The following HSD17B4 variants were observed in gnomAD, a reference collection of about 807,000 sequenced individuals.
HSD17B4 encodes the protein peroxisomal multifunctional enzyme type 2.
Under a neutral mutation model 101.0 loss-of-function variants are expected in HSD17B4, and 70 were observed. The ratio of observed to expected loss-of-function variants is 0.69; its 90% CI spans 0.57 to 0.85. The LOEUF (loss-of-function observed/expected upper bound fraction) is 0.85, where lower values mean the gene tolerates loss of function less well. Ranked by LOEUF, HSD17B4 falls within the 40% of genes least tolerant of loss-of-function variation. The pLI, the probability that HSD17B4 is intolerant of heterozygous loss-of-function variation, is 0.00. For missense variants in HSD17B4, 984 were observed against 892.4 expected (o/e 1.10, Z -1.31); for synonymous variants, 347 against 297.1 (o/e 1.17, Z -1.73).
intron 4 of HSD17B4, among the ~76,000 whole-genome samples, 161 bp downstream of exon 4, chr5:119,474,621 TTTAA>T (rs1748400448): frequency 1.3e-5 from 2 of 152,202 alleles, no homozygotes; most frequent in African/African-American, 2.4e-5. Context: ...TCATAAAGGG[TTTAA>T]TTGAGGTGGC....
chr5:119,497,414 C>G (rs945717340), intron 12 of HSD17B4, among the ~76,000 whole-genome samples: 4 of 152,200 alleles, frequency 2.6e-5, no homozygotes, highest in African/African-American at 9.7e-5. Context: ...GACTGTCTGT[C>G]TTCCATATAC....
intron 17 of HSD17B4, among the ~76,000 whole-genome samples, chr5:119,523,617 A>G (rs776517068): frequency 3.9e-5 from 6 of 152,158 alleles, no homozygotes. Context: ...GATATTTCAT[A>G]TTAATACGAT....
At chr5:119,465,333 A>T (rs1288557835) in intron 2 of HSD17B4, among the ~76,000 whole-genome samples, 1 of 152,136 alleles carries the variant, frequency 6.6e-6, no homozygotes, top group Non-Finnish European at 1.5e-5. Context: ...TTGAAATGTG[A>T]TTGGCTTAAC....
At chr5:119,491,563 G>T (rs1423654068) in intron 9 of HSD17B4, among the ~76,000 whole-genome samples, 1 of 148,320 alleles carries the variant, frequency 6.7e-6, no homozygotes, top group Non-Finnish European at 1.5e-5. Context: ...TTGGTCATTT[G>T]TCTTATCTCT....
Position 119,460,837 on chromosome 5 carries a change from C to G in HSD17B4, c.112+4469C>G, listed in dbSNP as rs191281849. Among the ~76,000 whole-genome samples, 1,100 of 152,138 alleles carry G rather than the reference C, an allele frequency of 7.2e-3. 13 individuals are homozygous for G. Among genetic ancestry groups the G allele is most frequent in the African/African-American group, 0.025 (1,022 of 41,478 alleles). On this transcript the variant is annotated intron_variant, in intron 2 of 23. Coordinates refer to ENST00000510025, the MANE Select transcript of HSD17B4 (RefSeq NM_000414.4). The stretch of plus-strand genomic sequence containing the variant: ...AAATGAGTGAATGGAACAGAAAATG[C>G]TTTAAGGAGAGACTGCAGGAAGTGA...
chr5:119,456,969 C>G (rs1380471261), intron 2 of HSD17B4, among the ~76,000 whole-genome samples: 1 of 152,102 alleles, frequency 6.6e-6, no homozygotes. Context: ...TTGACTCTTT[C>G]ATCAAAACTT....
intron 6 of HSD17B4, chr5:119,476,686 C>G: frequency 1.0e-6 from 1 of 985,446 alleles, no homozygotes; most frequent in Non-Finnish European, 1.2e-6. Context: ...CAAAGGGGGC[C>G]TATGTTGGTG....
chr5:119,466,632 A>G (rs541988308), intron 2 of HSD17B4, among the ~76,000 whole-genome samples: 1 of 152,004 alleles, frequency 6.6e-6, no homozygotes, highest in Non-Finnish European at 1.5e-5. Context: ...CTGTGGTATC[A>G]GTTGTAAATG....
chr5:119,471,123 T>A (rs1756323436), intron 2 of HSD17B4, among the ~76,000 whole-genome samples: 2 of 152,226 alleles, frequency 1.3e-5, no homozygotes, highest in Non-Finnish European at 2.9e-5. Context: ...TTTCTTGTGC[T>A]TAAAAAGGGT....
intron 8 of HSD17B4, among the ~76,000 whole-genome samples, chr5:119,480,061 G>T (rs1467588925): frequency 6.6e-6 from 1 of 151,978 alleles, no homozygotes; most frequent in Non-Finnish European, 1.5e-5. Context: ...ATATCTTATT[G>T]TTTTAATTTG....
intron 17 of HSD17B4, among the ~76,000 whole-genome samples, chr5:119,515,682 C>T (rs1752545263): frequency 6.6e-6 from 1 of 152,086 alleles, no homozygotes; most frequent in African/African-American, 2.4e-5. Context: ...TTTTGAGAGA[C>T]CTTAAGATTC....
intron 2 of HSD17B4, among the ~76,000 whole-genome samples, chr5:119,461,565 C>T (rs1044011556): frequency 1.3e-5 from 2 of 152,020 alleles, no homozygotes; most frequent in Non-Finnish European, 2.9e-5. Flanking sequence ...TACTTTTTAT[C>T]GGATCTAAGT....
chr5:119,471,043 A>G (rs1482040046), intron 2 of HSD17B4, among the ~76,000 whole-genome samples: 1 of 152,166 alleles, frequency 6.6e-6, no homozygotes, highest in Non-Finnish European at 1.5e-5. Context: ...ACTTGGGGGT[A>G]GTGTTTCATT....
At position 119,514,989 on chromosome 5, in the gene HSD17B4, A is replaced by C. The variant is rs781665092; in HGVS notation, c.1446A>C (p.Val482=). ...TAATGTCTTAATTTTAGGTAGCTGT[A>C]GCCATACCTAATAGACCTCCTGATG... ...KRTSDKVKVA[V]AIPNRPPDAV... is the part of the protein sequence containing the mutation. Residue 482 remains valine (V), a synonymous_variant, in exon 17 of 24, where the codon GTA becomes GTC. Coordinates refer to ENST00000510025, the MANE Select transcript of HSD17B4 (RefSeq NM_000414.4). 1 of 1,547,104 alleles carries C rather than the reference A, an allele frequency of 6.5e-7. No homozygotes were observed. The highest frequency in any genetic ancestry group is 8.9e-7 in the Non-Finnish European group (1 of 1,119,278).
chr5:119,509,397 C>T (rs1366806029), intron 16 of HSD17B4, 153 bp downstream of exon 16: 1 of 706,636 alleles, frequency 1.4e-6, no homozygotes, highest in East Asian at 2.6e-5. Flanking sequence ...AAGACCAGTC[C>T]CTCTTCTTCC....
chr5:119,531,268 C>T lies in HSD17B4; in HGVS notation c.1857C>T (p.Gly619=), dbSNP rs368565759. The change falls in exon 22 of 24, where the codon GGC becomes GGT. Residue 619 remains glycine (G), a splice_region_variant and synonymous_variant. Coordinates refer to ENST00000510025, the MANE Select transcript of HSD17B4 (RefSeq NM_000414.4). ...SGTSAKTPSE[G]GKLQSTFVFE... ...GTTTATTTTGTTGTCGTTGTTAGGG[C>T]GGGAAGCTTCAGAGTACCTTTGTAT... 15 of 1,613,008 alleles carry T rather than the reference C, an allele frequency of 9.3e-6. No individual in the cohort carries two copies. Among genetic ancestry groups the T allele is most frequent in the East Asian group, 4.5e-5 (2 of 44,870 alleles).
At chr5:119,487,240 A>ATTTTTTT (rs5870858) in intron 8 of HSD17B4, 3 of 119,080 alleles carry the variant, frequency 2.5e-5, no homozygotes, top group African/African-American at 3.4e-5. Context: ...ACTCTTTTCT[A>ATTTTTTT]TTTTTTTTTT....
At position 119,473,986 on chromosome 5, in the gene HSD17B4, G is replaced by T. The variant is rs1010037552; in HGVS notation, c.191G>T (p.Arg64Met). 1 of 1,609,682 alleles carries T rather than the reference G, an allele frequency of 6.2e-7. No individual in the cohort carries two copies. The highest frequency in any genetic ancestry group is 1.1e-5 in the South Asian group (1 of 90,826). The change falls in exon 3 of 24, where the codon AGG becomes ATG. Residue 64 changes from arginine (R) to methionine (M), a missense_variant. Coordinates refer to ENST00000510025, the MANE Select transcript of HSD17B4 (RefSeq NM_000414.4). Reference protein sequence around the residue: ...AADKVVEEIRRRGGKAVANYD... With the variant: ...AADKVVEEIRMRGGKAVANYD... ...GATAAGGTTGTTGAAGAAATAAGAA[G>T]GAGAGGTGGAAAAGCAGTGGCCAAC...
chr5:119,472,864 A>G (rs1756515733), intron 2 of HSD17B4, among the ~76,000 whole-genome samples: 1 of 152,236 alleles, frequency 6.6e-6, no homozygotes, highest in Non-Finnish European at 1.5e-5. Context: ...ACATAAGTGG[A>G]ATCATGCCAG....
Sources: allele counts gnomAD v4.1 joint callset (sites outside exome capture counted in the v4.1 genomes callset), GRCh38; gene constraint gnomAD v4.1.1; transcripts MANE v1.5; gene names NCBI Gene and HGNC (gene_info 2026-07-23, HGNC 2026-07-21).